The following FOXP1 variants were observed in gnomAD, a reference collection of about 807,000 sequenced individuals.
FOXP1 encodes forkhead box protein P1.
FOXP1 carries 15 observed loss-of-function variants against 98.2 expected under a neutral mutation model. That is an observed-to-expected ratio of 0.15 (90% CI 0.10 to 0.24). The LOEUF (loss-of-function observed/expected upper bound fraction) is 0.24, where lower values mean the gene tolerates loss of function less well. FOXP1 is among the 10% of genes least tolerant of loss of function. FOXP1 has a pLI of 1.00. For missense variants in FOXP1, 633 were observed against 848.5 expected (o/e 0.75, Z 3.15); for synonymous variants, 371 against 314.5 (o/e 1.18, Z -1.90).
At chr3:71,140,686 C>A (rs1305023129) in intron 6 of FOXP1, among the ~76,000 whole-genome samples, 1 of 152,128 alleles carries the variant, frequency 6.6e-6, no homozygotes, top group Admixed American at 6.5e-5. Flanking sequence ...GACTATCTTG[C>A]CCAATGTCAC....
intron 2 of FOXP1, among the ~76,000 whole-genome samples, chr3:71,537,691 G>A (rs2044416572): frequency 6.6e-6 from 1 of 152,192 alleles, no homozygotes; most frequent in Non-Finnish European, 1.5e-5. Context: ...CTTTGAAATA[G>A]GGACAAGAAT....
chr3:71,072,143 A>C (rs2053322415), intron 7 of FOXP1, among the ~76,000 whole-genome samples: 1 of 152,144 alleles, frequency 6.6e-6, no homozygotes, highest in South Asian at 2.1e-4. Context: ...GCAATGTAGC[A>C]AGACCCTGTC....
At chr3:71,349,341 T>G (rs1453454535) in intron 4 of FOXP1, among the ~76,000 whole-genome samples, 1 of 152,230 alleles carries the variant, frequency 6.6e-6, no homozygotes, top group African/African-American at 2.4e-5. Context: ...CTTCAACAGT[T>G]ACCCATAAAT....
At chr3:70,964,685 AAC>A (rs1400690022) in intron 20 of FOXP1, among the ~76,000 whole-genome samples, 2 of 152,222 alleles carry the variant, frequency 1.3e-5, no homozygotes, top group Non-Finnish European at 2.9e-5. Flanking sequence ...GTGAAAGATA[AAC>A]ACACTCTTAA....
intron 2 of FOXP1, among the ~76,000 whole-genome samples, chr3:71,555,392 G>C (rs1294520955): frequency 6.6e-6 from 1 of 152,140 alleles, no homozygotes; most frequent in African/African-American, 2.4e-5. Context: ...CTTTCACAGA[G>C]CACCATATAA....
intron 3 of FOXP1, among the ~76,000 whole-genome samples, chr3:71,454,486 A>C (rs2087260139): frequency 6.6e-6 from 1 of 152,158 alleles, no homozygotes; most frequent in South Asian, 2.1e-4. Context: ...TTGATTTTCA[A>C]AAACTCCACA....
chr3:71,331,564 G>A (rs1577009347), intron 4 of FOXP1, among the ~76,000 whole-genome samples: 1 of 152,388 alleles, frequency 6.6e-6, no homozygotes, highest in East Asian at 1.9e-4. Flanking sequence ...GGGCTCCTGA[G>A]TCTAGTGGGG....
intron 3 of FOXP1, among the ~76,000 whole-genome samples, chr3:71,370,120 A>G (rs1295964107): frequency 1.3e-5 from 2 of 152,218 alleles, no homozygotes; most frequent in Non-Finnish European, 2.9e-5. Flanking sequence ...CAAAGCAGAT[A>G]GGAGCAAGCA....
chr3:71,024,863 T>C (rs2045911958), intron 11 of FOXP1, among the ~76,000 whole-genome samples: 1 of 152,210 alleles, frequency 6.6e-6, no homozygotes, highest in Non-Finnish European at 1.5e-5. Flanking sequence ...CAGACTTAGT[T>C]TTTGTTCCCC....
intron 2 of FOXP1, among the ~76,000 whole-genome samples, chr3:71,518,979 C>T (rs1205828817): frequency 6.6e-6 from 1 of 152,240 alleles, no homozygotes; most frequent in African/African-American, 2.4e-5. Flanking sequence ...GGTGCGGTGG[C>T]TCACGCCTGT....
At chr3:71,107,725 G>A (rs831442) in intron 7 of FOXP1, among the ~76,000 whole-genome samples, 151,943 of 152,326 alleles carry the variant, frequency 1, 75,785 homozygotes, top group Middle Eastern at 1. Flanking sequence ...ACAACATAAA[G>A]TTGTAGTTTC....
chr3:71,454,591 T>C (rs1396736608), intron 3 of FOXP1, among the ~76,000 whole-genome samples: 1 of 152,104 alleles, frequency 6.6e-6, no homozygotes, highest in Non-Finnish European at 1.5e-5. Context: ...ACCTTAGACA[T>C]ACTGAACAAG....
At chr3:71,321,400 C>A (rs1306793977) in intron 4 of FOXP1, among the ~76,000 whole-genome samples, 1 of 152,006 alleles carries the variant, frequency 6.6e-6, no homozygotes. Context: ...CAGCCATAGC[C>A]CCAGACTCAA....
rs371699947 is a variant in FOXP1 at position 71,454,069 on chromosome 3, A to G, written c.-168+39357T>C. Among the ~76,000 whole-genome samples the G allele has an allele frequency of 1.6e-4, 24 of 152,194 alleles. 1 individual carries two copies. In the East Asian group the frequency reaches 1.9e-3, roughly 12 times the overall value. On this transcript the variant is annotated intron_variant, in intron 3 of 20. Transcript: ENST00000649528. ...TACTTTAGCAGGAAAATCCTGAGCT[A>G]GATTGTTACTTCTCTTACCACCCTC...
rs983002913 is a variant in FOXP1, at chr3:71,064,937, G to A, written c.283-11164C>T. ...GCAGGCGGACTGCACGCGCGCAGGGGCGCTCCGGCTCGCGGGCTGACAAGA... is the reference window on the plus strand; with the variant it reads ...GCAGGCGGACTGCACGCGCGCAGGGACGCTCCGGCTCGCGGGCTGACAAGA... On this transcript the variant is annotated intron_variant, in intron 7 of 20. Coordinates refer to ENST00000649528, the MANE Select transcript of FOXP1 (RefSeq NM_001349338.3). The A allele has an allele frequency of 1.0e-5, 3 of 298,250 alleles. No homozygotes were observed. The South Asian group carries it at 3.8e-4, about 38-fold the overall frequency. The allele number at this position is 298,250 out of a possible 1,614,324, so 18.5% of individuals were successfully genotyped here. A position where few individuals can be genotyped will look rare whatever the true frequency, so the allele number is the denominator to read the frequency against.
chr3:71,300,926 G>A (rs1002336541), intron 4 of FOXP1, among the ~76,000 whole-genome samples: 1 of 152,172 alleles, frequency 6.6e-6, no homozygotes, highest in Non-Finnish European at 1.5e-5. Context: ...TCATTGAGAA[G>A]AGTAAAATCT....
chr3:71,412,189 A>G (rs1228117086), intron 3 of FOXP1, among the ~76,000 whole-genome samples: 2 of 152,132 alleles, frequency 1.3e-5, no homozygotes, highest in African/African-American at 4.8e-5. Context: ...TAGGGGATCT[A>G]GAGACACCTA....
chr3:71,208,366 T>C (rs774824825), intron 5 of FOXP1, among the ~76,000 whole-genome samples: 5 of 152,200 alleles, frequency 3.3e-5, no homozygotes, highest in Non-Finnish European at 7.3e-5. Context: ...AACAACTGCA[T>C]AGATATCATT....
chr3:71,435,986 A>AGGAGGGAAGGAGGGAG (rs2085310908), intron 3 of FOXP1, among the ~76,000 whole-genome samples: 1 of 108,696 alleles, frequency 9.2e-6, no homozygotes, highest in Non-Finnish European at 2.0e-5. Context: ...GAAGGAGGGA[A>AGGAGGGAAGGAGGGAG]GGAGGGAGGG....
Sources: allele counts gnomAD v4.1 joint callset (sites outside exome capture counted in the v4.1 genomes callset), GRCh38; gene constraint gnomAD v4.1.1; transcripts MANE v1.5; gene names NCBI Gene and HGNC (gene_info 2026-07-23, HGNC 2026-07-21).